The following ST6GALNAC3 variants were observed in gnomAD, a reference collection of about 807,000 sequenced individuals.
The protein encoded by ST6GALNAC3 is ST6 N-acetylgalactosaminide alpha-2,6-sialyltransferase 3, also known as alpha-N-acetylgalactosaminide alpha-2,6-sialyltransferase 3.
A neutral mutation model predicts 32.7 loss-of-function variants in ST6GALNAC3; 25 were observed. That is an observed-to-expected ratio of 0.76 (90% confidence interval 0.56 to 1.07). The LOEUF (loss-of-function observed/expected upper bound fraction) is 1.07, where lower values mean the gene tolerates loss of function less well. Among genes scored for constraint, ST6GALNAC3 ranks in the 50% least tolerant of loss-of-function variants. The pLI, the probability that ST6GALNAC3 is intolerant of heterozygous loss-of-function variation, is 0.00. For missense variants in ST6GALNAC3, 355 were observed against 382.4 expected (o/e 0.93, Z 0.60); for synonymous variants, 129 against 133.1 (o/e 0.97, Z 0.21).
chr1:76,448,523 T>C (rs1468244828), intron 3 of ST6GALNAC3, among the ~76,000 whole-genome samples: 2 of 152,190 alleles, frequency 1.3e-5, no homozygotes, highest in African/African-American at 4.8e-5. Context: ...GGTTTGGCTC[T>C]GTGTCCCTAC....
At chr1:76,409,022 A>G (rs1654031600) in intron 2 of ST6GALNAC3, among the ~76,000 whole-genome samples, 1 of 152,112 alleles carries the variant, frequency 6.6e-6, no homozygotes, top group Admixed American at 6.6e-5. Context: ...GAAGAATATT[A>G]TGTTCTTCTC....
intron 1 of ST6GALNAC3, among the ~76,000 whole-genome samples, chr1:76,238,524 C>G (rs1458759235): frequency 5.3e-5 from 8 of 152,180 alleles, no homozygotes; most frequent in Admixed American, 5.2e-4. Flanking sequence ...CATTCCGAGA[C>G]ATACTGTGTC....
intron 3 of ST6GALNAC3, among the ~76,000 whole-genome samples, chr1:76,585,562 G>A (rs1646951004): frequency 6.6e-6 from 1 of 152,072 alleles, no homozygotes; most frequent in Non-Finnish European, 1.5e-5. Flanking sequence ...CTGGGTGGAA[G>A]GGCAAACACA....
chr1:76,291,107 T>C (rs1042024585), intron 1 of ST6GALNAC3, among the ~76,000 whole-genome samples: 4 of 152,186 alleles, frequency 2.6e-5, no homozygotes, highest in Non-Finnish European at 5.9e-5. Context: ...AGGAGATGGA[T>C]GTTCTAAGTG....
chr1:76,595,891 A>G (rs962764827), intron 3 of ST6GALNAC3, among the ~76,000 whole-genome samples: 6 of 152,034 alleles, frequency 3.9e-5, no homozygotes, highest in African/African-American at 1.2e-4. Flanking sequence ...GTAGTTGTTT[A>G]TTATGAAGAA....
intron 3 of ST6GALNAC3, among the ~76,000 whole-genome samples, chr1:76,453,535 C>A (rs373095781): frequency 1.3e-5 from 2 of 152,048 alleles, no homozygotes; most frequent in East Asian, 3.9e-4. Context: ...CATTGTTGAC[C>A]CAAAAATCAT....
chr1:76,332,149 C>T (rs1158999753), intron 2 of ST6GALNAC3, among the ~76,000 whole-genome samples: 1 of 152,084 alleles, frequency 6.6e-6, no homozygotes, highest in Admixed American at 6.6e-5. Context: ...ATGGAGCTTA[C>T]CAGAGTTAAT....
intron 3 of ST6GALNAC3, among the ~76,000 whole-genome samples, chr1:76,557,062 T>TGG (rs1553139457): frequency 1.3e-5 from 2 of 151,770 alleles, no homozygotes; most frequent in Non-Finnish European, 2.9e-5. Flanking sequence ...GTGAGGAAGG[T>TGG]GTCTAACTTC....
At chr1:76,622,714 C>T (rs758362170) in intron 3 of ST6GALNAC3, among the ~76,000 whole-genome samples, 1 of 151,862 alleles carries the variant, frequency 6.6e-6, no homozygotes, top group Non-Finnish European at 1.5e-5. Flanking sequence ...AATTTTTTGC[C>T]ATCAAAGTAT....
intron 3 of ST6GALNAC3, among the ~76,000 whole-genome samples, chr1:76,598,369 G>A (rs961168346): frequency 7.2e-5 from 11 of 152,120 alleles, no homozygotes; most frequent in African/African-American, 2.7e-4. Context: ...GGGATCCCAT[G>A]CACTTATGTA....
At chr1:76,258,571 C>G (rs967180758) in intron 1 of ST6GALNAC3, among the ~76,000 whole-genome samples, 5 of 152,142 alleles carry the variant, frequency 3.3e-5, no homozygotes, top group African/African-American at 1.2e-4. Context: ...GGAGGCAATG[C>G]ATTCTAGAAT....
chr1:76,512,353 TG>T (rs1379686743), intron 3 of ST6GALNAC3, among the ~76,000 whole-genome samples: 2 of 152,220 alleles, frequency 1.3e-5, no homozygotes, highest in African/African-American at 4.8e-5. Flanking sequence ...ATTTATGTGT[TG>T]TTTTTTGTTG....
chr1:76,183,603 C>T (rs1038309932), intron 1 of ST6GALNAC3, among the ~76,000 whole-genome samples: 1 of 151,776 alleles, frequency 6.6e-6, no homozygotes, highest in African/African-American at 2.4e-5. Flanking sequence ...AGTGTACTTA[C>T]ACAACCCTAG....
chr1:76,188,748 CATTATTCATTA>C (rs757814105), intron 1 of ST6GALNAC3, among the ~76,000 whole-genome samples: 1 of 152,168 alleles, frequency 6.6e-6, no homozygotes, highest in Non-Finnish European at 1.5e-5. Flanking sequence ...AAAATGAATT[CATTATTCATTA>C]ACTGCCAGTG....
At chr1:76,401,135 A>C (rs1288874846) in intron 2 of ST6GALNAC3, among the ~76,000 whole-genome samples, 1 of 152,072 alleles carries the variant, frequency 6.6e-6, no homozygotes, top group Non-Finnish European at 1.5e-5. Flanking sequence ...TATCCATTTT[A>C]TCTCTTCTCT....
intron 3 of ST6GALNAC3, among the ~76,000 whole-genome samples, chr1:76,437,391 A>T (rs529853959): frequency 2.4e-4 from 36 of 152,192 alleles, no homozygotes; most frequent in African/African-American, 7.7e-4. Context: ...GCCTCTCAGC[A>T]GCCCTGTTCA....
At chr1:76,252,228 A>G (rs954508730) in intron 1 of ST6GALNAC3, among the ~76,000 whole-genome samples, 7 of 152,178 alleles carry the variant, frequency 4.6e-5, no homozygotes, top group Non-Finnish European at 8.8e-5. Flanking sequence ...TCACTTGGAC[A>G]CTGGCTTTAG....
At chr1:76,373,818 G>A (rs746499785) in intron 2 of ST6GALNAC3, among the ~76,000 whole-genome samples, 2 of 152,184 alleles carry the variant, frequency 1.3e-5, no homozygotes, top group East Asian at 3.8e-4. Flanking sequence ...CATAAAAAAA[G>A]TCCTTTTCAG....
intron 3 of ST6GALNAC3, among the ~76,000 whole-genome samples, chr1:76,471,605 G>A (rs1391799401): frequency 1.3e-5 from 2 of 152,024 alleles, no homozygotes; most frequent in Admixed American, 6.6e-5. Flanking sequence ...TAAGAGAGTA[G>A]GGCCCTATTT....
Sources: allele counts gnomAD v4.1 joint callset (sites outside exome capture counted in the v4.1 genomes callset), GRCh38; gene constraint gnomAD v4.1.1; transcripts MANE v1.5; gene names NCBI Gene and HGNC (gene_info 2026-07-23, HGNC 2026-07-21).